ZNF638: variants seen among roughly 807,000 people sequenced by gnomAD.
ZNF638 encodes CTCL tumor antigen se33-1.
A neutral mutation model predicts 195.6 loss-of-function variants in ZNF638; 46 were observed. The ratio of observed to expected loss-of-function variants is 0.24; its 90% CI spans 0.19 to 0.30. The LOEUF is 0.30. ZNF638 is among the 10% of genes least tolerant of loss of function. ZNF638 has a pLI of 1.00. For missense variants in ZNF638, 2,440 were observed against 2,325.3 expected, an observed-to-expected ratio of 1.05 and a Z score of -1.01; for synonymous variants, 845 against 772.0, an observed-to-expected ratio of 1.09 and a Z score of -1.57.
At chr2:71,354,420 T>C (rs2078990092) in intron 2 of ZNF638, among the ~76,000 whole-genome samples, 1 of 152,056 alleles carries the variant, frequency 6.6e-6, no homozygotes, top group Non-Finnish European at 1.5e-5. Flanking sequence ...CAGATTTATT[T>C]GTAAATGAAG....
intron 17 of ZNF638, among the ~76,000 whole-genome samples, 194 bp from the exon 18 acceptor site, chr2:71,405,407 T>C (rs181396223): frequency 2.1e-4 from 32 of 152,322 alleles, no homozygotes; most frequent in African/African-American, 7.2e-4. Context: ...AGAATTAAAT[T>C]GTATGGGTTA....
chr2:71,332,233 C>T (rs2078584010), intron 1 of ZNF638, among the ~76,000 whole-genome samples: 1 of 152,216 alleles, frequency 6.6e-6, no homozygotes, highest in Non-Finnish European at 1.5e-5. Context: ...TCCCCAGCAG[C>T]GCCCGGCCTG....
intron 10 of ZNF638, among the ~76,000 whole-genome samples, chr2:71,392,426 C>T (rs573911687): frequency 2.4e-4 from 36 of 152,278 alleles, no homozygotes; most frequent in Admixed American, 1.8e-3. Flanking sequence ...CCCTAGAAAC[C>T]GAATCCGTTC....
At chr2:71,408,672 C>T (rs1224281158) in intron 20 of ZNF638, 4 of 390,612 alleles carry the variant, frequency 1.0e-5, no homozygotes, top group Non-Finnish European at 2.0e-5. Flanking sequence ...GGTTCTTGGC[C>T]TACACAGTAG....
intron 1 of ZNF638, among the ~76,000 whole-genome samples, chr2:71,337,373 C>T (rs1234429686): frequency 6.6e-6 from 1 of 152,074 alleles, no homozygotes; most frequent in Non-Finnish European, 1.5e-5. Context: ...TTTTCTTTCA[C>T]AGTCATAGTT....
intron 10 of ZNF638, chr2:71,395,117 A>G: frequency 1.6e-6 from 1 of 644,148 alleles, no homozygotes; most frequent in Non-Finnish European, 2.9e-6. Context: ...CCATAGATCT[A>G]CATGTCCAAC....
At chr2:71,401,721 C>T (rs1181164071) in intron 15 of ZNF638, among the ~76,000 whole-genome samples, 1 of 151,556 alleles carries the variant, frequency 6.6e-6, no homozygotes, top group Non-Finnish European at 1.5e-5. Context: ...CAGCAGACCT[C>T]GACTAGATGA....
At chr2:71,360,184 AAAG>A (rs1312677983) in intron 3 of ZNF638, among the ~76,000 whole-genome samples, 6 of 152,240 alleles carry the variant, frequency 3.9e-5, no homozygotes, top group Admixed American at 2.6e-4. Context: ...TTGAAGAGAA[AAAG>A]GAAGAAAAAC....
At chr2:71,382,517 G>T (rs1049702524) in intron 10 of ZNF638, among the ~76,000 whole-genome samples, 2 of 152,144 alleles carry the variant, frequency 1.3e-5, no homozygotes, top group Non-Finnish European at 2.9e-5. Context: ...TATAAGCACA[G>T]GGAGGAAGCA....
intron 4 of ZNF638, among the ~76,000 whole-genome samples, 178 bp from the exon 5 acceptor site, chr2:71,363,776 A>G (rs2079148884): frequency 6.6e-6 from 1 of 152,186 alleles, no homozygotes; most frequent in South Asian, 2.1e-4. Flanking sequence ...ATTGTTTCTT[A>G]TTTACGTATA....
intron 24 of ZNF638, among the ~76,000 whole-genome samples, chr2:71,428,051 G>A (rs2080575577): frequency 2.0e-5 from 3 of 152,078 alleles, no homozygotes; most frequent in Admixed American, 2.0e-4. Flanking sequence ...AATGAGCCAG[G>A]CACGGTGGCA....
Position 71,368,418 on chromosome 2 carries a change from C to G in ZNF638, c.2032C>G (p.Leu678Val), listed in dbSNP as rs746580411. ...ACAGTCATTGCATTATGGTTCGGTT[C>G]TTCTTATAACTGAATTACCAGAGGA... The part of the protein sequence containing the change: ...KEQSLHYGSV[L>V]LITELPEDGC... Residue 678 changes from leucine to valine, a missense_variant, in exon 7 of 28, where the codon CTT (leucine) becomes GTT (valine). Physicochemically the swap from Leu to Val is conservative, Grantham distance 32. Transcript: ENST00000264447. 1.2e-6 allele frequency: 2 copies of G among 1,612,946 alleles called. No individual in the cohort carries two copies.
At chr2:71,411,474 ATTT>A (rs537942317) in intron 20 of ZNF638, among the ~76,000 whole-genome samples, 1 of 122,770 alleles carries the variant, frequency 8.1e-6, no homozygotes, top group East Asian at 2.6e-4. Flanking sequence ...TTTATTTTTA[ATTT>A]TTTTTTTTTT....
intron 11 of ZNF638, 145 bp downstream of exon 11, chr2:71,396,336 AT>A: frequency 1.5e-6 from 1 of 651,422 alleles, no homozygotes; most frequent in Non-Finnish European, 2.6e-6. Context: ...TCATCTAGCA[AT>A]TTTGAGAAAT....
intron 25 of ZNF638, among the ~76,000 whole-genome samples, chr2:71,430,141 A>C (rs1413998882): frequency 1.3e-5 from 2 of 152,156 alleles, no homozygotes; most frequent in African/African-American, 4.8e-5. Context: ...GACCTAGCTT[A>C]AGAAAAAGTC....
chr2:71,423,038 A>G lies in ZNF638; in HGVS notation c.3524A>G (p.Lys1175Arg), dbSNP rs756459777. The G allele has an allele frequency of 1.9e-6, 3 of 1,614,166 alleles. No homozygotes were observed. The South Asian group carries it at 3.3e-5, about 18-fold the overall frequency. ...CTTGAAACTCAAGGAGAGGAGGTCAAAGAAGAAATTCCTCTTGTAGCATCC... is the reference window on the plus strand; with the variant it reads ...CTTGAAACTCAAGGAGAGGAGGTCAGAGAAGAAATTCCTCTTGTAGCATCC... ...LELETQGEEV[K>R]EEIPLVASAS... Residue 1175 changes from lysine (K) to arginine (R), a missense_variant, in exon 22 of 28, where the codon AAA becomes AGA. By Grantham distance (26) the Lys-to-Arg change is conservative. Coordinates refer to ENST00000264447, the MANE Select transcript of ZNF638 (RefSeq NM_014497.5).
At chr2:71,343,853 AGGCGCGGTGGCTCATGCCTGTAATCCT>A (rs2078805489) in intron 1 of ZNF638, among the ~76,000 whole-genome samples, 2 of 150,154 alleles carry the variant, frequency 1.3e-5, no homozygotes, top group Admixed American at 6.7e-5. Flanking sequence ...GCTTGCCGCC[AGGCGCGGTGGCTCATGCCTGTAATCCT>A]GGCACTTTGG....
intron 19 of ZNF638, chr2:71,407,891 G>A (rs373810210): frequency 2.5e-4 from 90 of 359,946 alleles, no homozygotes; most frequent in African/African-American, 1.7e-3. Context: ...TCTGTTTTAC[G>A]CATGTAACAC....
At chr2:71,403,812 G>C in intron 16 of ZNF638, 58 bp from the exon 17 acceptor site, 2 of 1,300,442 alleles carry the variant, frequency 1.5e-6, no homozygotes, top group Admixed American at 2.3e-5. Flanking sequence ...TTGCAAGTCT[G>C]TTTTTGAGAA....
Sources: gnomAD v4.1 joint callset for allele counts (sites outside exome capture counted in the v4.1 genomes callset) on GRCh38, gnomAD v4.1.1 for gene constraint, MANE v1.5 for transcripts, NCBI Gene and HGNC (gene_info 2026-07-23, HGNC 2026-07-21) for gene names.